SOCS7: variants seen among roughly 807,000 people sequenced by gnomAD.
SOCS7 encodes suppressor of cytokine signaling 7.
A neutral mutation model predicts 58.9 loss-of-function variants in SOCS7; 18 were observed. The ratio of observed to expected loss-of-function variants is 0.31; its 90% CI spans 0.21 to 0.45. The LOEUF (loss-of-function observed/expected upper bound fraction) is 0.45, where lower values mean the gene tolerates loss of function less well. Among genes scored for constraint, SOCS7 ranks in the 20% least tolerant of loss-of-function variants. The pLI is 1.00. For missense variants in SOCS7, 667 were observed against 837.3 expected (o/e 0.80, Z 2.51); for synonymous variants, 388 against 364.3 (o/e 1.06, Z -0.74).
intron 7 of SOCS7, among the ~76,000 whole-genome samples, chr17:38,381,946 C>CAA (rs55949628): frequency 0.11 from 1,907 of 17,542 alleles, 247 homozygotes; most frequent in East Asian, 0.24. Flanking sequence ...GACTCTGTCT[C>CAA]AAAAAAAAAA....
At chr17:38,362,412 C>G (rs2037732291) in intron 2 of SOCS7, among the ~76,000 whole-genome samples, 1 of 152,134 alleles carries the variant, frequency 6.6e-6, no homozygotes, top group African/African-American at 2.4e-5. Context: ...AGAGGGAGAC[C>G]TTCTGTTATG....
At chr17:38,398,910 G>GTGAA (rs1291901166) in intron 9 of SOCS7, among the ~76,000 whole-genome samples, 8 of 151,970 alleles carry the variant, frequency 5.3e-5, no homozygotes. Flanking sequence ...GGCCAACATG[G>GTGAA]TGAAACCCTG....
At position 38,395,830 on chromosome 17, in the gene SOCS7, G is replaced by A. The variant is rs371444577; in HGVS notation, c.1818-18G>A. 509 of 1,605,592 alleles carry A rather than the reference G, an allele frequency of 3.2e-4. 5 individuals carry two copies. In the South Asian group the frequency reaches 4.4e-3, roughly 14 times the overall value. ...GTATAAAAACCTTTTGTGTATATCCGTCATTTGTTTTTCACAGACCTCTGA... is the reference window on the plus strand; with the variant it reads ...GTATAAAAACCTTTTGTGTATATCCATCATTTGTTTTTCACAGACCTCTGA... On this transcript the variant is annotated intron_variant, in intron 8 of 9. Coordinates refer to ENST00000612932, the MANE Select transcript of SOCS7 (RefSeq NM_014598.4).
chr17:38,352,282 A>AGGACGTGGAGGCGGC lies in SOCS7; in HGVS notation c.231_245dup (p.Asp78_Ala82dup). On this transcript the variant is annotated inframe_insertion, in exon 1 of 10. Coordinates refer to ENST00000612932, the MANE Select transcript of SOCS7 (RefSeq NM_014598.4). The surrounding 1 kb of genome is among the most constrained non-coding windows in gnomAD (Gnocchi z 5.5). ...AACGTGGGTCGGCCGCCGGAGGAGGAGGACGTGGAGGCGGCCCCGGAGCCG... is the reference window on the plus strand; with the variant it reads ...AACGTGGGTCGGCCGCCGGAGGAGGAGGACGTGGAGGCGGCGGACGTGGAGGCGGCCCCGGAGCCG... The AGGACGTGGAGGCGGC allele has an allele frequency of 6.7e-7, 1 of 1,484,742 alleles. No individual in the cohort carries two copies. Among genetic ancestry groups the AGGACGTGGAGGCGGC allele is most frequent in the African/African-American group, 1.5e-5 (1 of 68,944 alleles). 92.0% of individuals were successfully genotyped at this position (1,484,742 alleles called of 1,614,324 possible).
intron 9 of SOCS7, among the ~76,000 whole-genome samples, chr17:38,399,295 C>A (rs997395641): frequency 6.6e-6 from 1 of 152,060 alleles, no homozygotes; most frequent in African/African-American, 2.4e-5. Context: ...ATTTCAGGAC[C>A]TTGTTTTGTC....
At chr17:38,376,617 A>G (rs1024059954) in intron 6 of SOCS7, among the ~76,000 whole-genome samples, 1 of 152,002 alleles carries the variant, frequency 6.6e-6, no homozygotes, top group African/African-American at 2.4e-5. Flanking sequence ...CTGTAATCCC[A>G]GCTACTCAGG....
At chr17:38,390,539 A>G (rs755839333) in intron 7 of SOCS7, among the ~76,000 whole-genome samples, 6 of 152,144 alleles carry the variant, frequency 3.9e-5, no homozygotes, top group Non-Finnish European at 7.4e-5. Context: ...CATGTCAACA[A>G]TATTATGTCT....
intron 7 of SOCS7, among the ~76,000 whole-genome samples, chr17:38,390,925 G>A (rs1225156056): frequency 6.6e-6 from 1 of 151,972 alleles, no homozygotes; most frequent in African/African-American, 2.4e-5. Context: ...CTAACCCTTT[G>A]GCTCAAGCCA....
chr17:38,369,318 T>C (rs2037831348), intron 6 of SOCS7, among the ~76,000 whole-genome samples: 1 of 152,190 alleles, frequency 6.6e-6, no homozygotes, highest in African/African-American at 2.4e-5. Flanking sequence ...TCGGGTTCTC[T>C]TGTGAGGCAG....
intron 7 of SOCS7, among the ~76,000 whole-genome samples, chr17:38,389,908 G>GT (rs2038146914): frequency 1.5e-4 from 1 of 6,798 alleles, no homozygotes; most frequent in Non-Finnish European, 3.6e-4. Flanking sequence ...TACACATATA[G>GT]AGAGAGAGAG....
chr17:38,387,133 G>GTATGTATGTATATATA (rs1555570701), intron 7 of SOCS7, among the ~76,000 whole-genome samples: 6 of 73,486 alleles, frequency 8.2e-5, no homozygotes, highest in African/African-American at 4.2e-4. Context: ...ATATATGTAT[G>GTATGTATGTATATATA]TATATATATA....
chr17:38,368,191 T>G, intron 6 of SOCS7, 141 bp downstream of exon 6: 1 of 678,628 alleles, frequency 1.5e-6, no homozygotes, highest in Non-Finnish European at 2.4e-6. Flanking sequence ...AATATTGATA[T>G]GAGCGCTGAT....
intron 7 of SOCS7, among the ~76,000 whole-genome samples, chr17:38,386,928 T>C (rs866070977): frequency 2.2e-4 from 33 of 149,270 alleles, no homozygotes; most frequent in African/African-American, 7.4e-4. Flanking sequence ...TACTAAAAAA[T>C]AGAAAAAATT....
intron 6 of SOCS7, among the ~76,000 whole-genome samples, 161 bp from the exon 7 acceptor site, chr17:38,377,553 C>T (rs2037947923): frequency 6.6e-6 from 1 of 152,194 alleles, no homozygotes. Context: ...TTACAGTTAA[C>T]TGTGAGATAA....
intron 7 of SOCS7, among the ~76,000 whole-genome samples, chr17:38,392,865 G>T (rs1217284061): frequency 6.6e-6 from 1 of 152,204 alleles, no homozygotes; most frequent in Non-Finnish European, 1.5e-5. Flanking sequence ...CTTAGGGCAG[G>T]TGTTCAAGGC....
Position 38,352,577 on chromosome 17 carries a change from C to T in SOCS7, c.525C>T (p.Ser175=). The change falls in exon 1 of 10, where the codon AGC becomes AGT. Residue 175 remains serine, a synonymous_variant. Transcript: ENST00000612932. The surrounding 1 kb of genome is among the most constrained non-coding windows in gnomAD (Gnocchi z 5.5). ...CCGGGGAGGACCCCACGGAAACGAGCGACGCGCTGCTGGTCCTGGAGGGCT... is the reference window on the plus strand; with the variant it reads ...CCGGGGAGGACCCCACGGAAACGAGTGACGCGCTGCTGGTCCTGGAGGGCT... The part of the protein sequence containing the change: ...PQAGEDPTET[S]DALLVLEGLE... The T allele has an allele frequency of 1.3e-6, 2 of 1,549,900 alleles. No individual in the cohort carries two copies. The highest frequency in any genetic ancestry group is 1.7e-6 in the Non-Finnish European group (2 of 1,146,770).
intron 1 of SOCS7, among the ~76,000 whole-genome samples, chr17:38,354,236 G>A (rs1021092295): frequency 6.6e-6 from 1 of 152,154 alleles, no homozygotes; most frequent in African/African-American, 2.4e-5. Flanking sequence ...TGTGGTTTAC[G>A]TGATGGATTC....
At chr17:38,362,283 G>A (rs1248549775) in intron 2 of SOCS7, among the ~76,000 whole-genome samples, 1 of 152,172 alleles carries the variant, frequency 6.6e-6, no homozygotes, top group Non-Finnish European at 1.5e-5. Flanking sequence ...CTTCTTTATT[G>A]TATCTAATTT....
At chr17:38,353,359 G>A (rs1475683165) in intron 1 of SOCS7, among the ~76,000 whole-genome samples, 1 of 152,204 alleles carries the variant, frequency 6.6e-6, no homozygotes, top group East Asian at 1.9e-4. Context: ...TCCCTGGAAG[G>A]GAGATTGCTG....
Sources: gnomAD v4.1 joint callset for allele counts (sites outside exome capture counted in the v4.1 genomes callset) on GRCh38, gnomAD v4.1.1 for gene constraint, Gnocchi (gnomAD v3.1) non-coding constraint, MANE v1.5 for transcripts, NCBI Gene and HGNC (gene_info 2026-07-23, HGNC 2026-07-21) for gene names.